UBE2E2: variants seen among roughly 807,000 people sequenced by gnomAD.
The protein encoded by UBE2E2 is ubiquitin conjugating enzyme E2 E2, also known as ubiquitin-conjugating enzyme E2 E2.
In UBE2E2, 6 loss-of-function variants were observed where a neutral mutation model predicts 24.7. That is an observed-to-expected ratio of 0.24 (90% CI 0.13 to 0.48). UBE2E2 has a LOEUF of 0.48. Among genes scored for constraint, UBE2E2 ranks in the 20% least tolerant of loss-of-function variants. The pLI is 0.99. For synonymous variants in UBE2E2, 104 were observed against 83.6 expected, an observed-to-expected ratio of 1.24 and a Z score of -1.33; for missense variants, 169 against 245.0, an observed-to-expected ratio of 0.69 and a Z score of 2.07.
At chr3:23,560,655 A>G (rs1404597260) in intron 5 of UBE2E2, among the ~76,000 whole-genome samples, 1 of 152,062 alleles carries the variant, frequency 6.6e-6, no homozygotes, top group South Asian at 2.1e-4. Flanking sequence ...GACTTCCACA[A>G]TGGTTGAACT....
intron 3 of UBE2E2, among the ~76,000 whole-genome samples, chr3:23,293,887 G>C (rs557387250): frequency 1.3e-5 from 2 of 152,172 alleles, no homozygotes; most frequent in Non-Finnish European, 2.9e-5. Flanking sequence ...AGGCTGAGTC[G>C]AGAGGATTCC....
intron 3 of UBE2E2, among the ~76,000 whole-genome samples, chr3:23,317,014 C>T (rs1331888339): frequency 6.6e-6 from 1 of 152,102 alleles, no homozygotes; most frequent in Non-Finnish European, 1.5e-5. Context: ...TGCCTTTCCT[C>T]TCCTCAAGAA....
chr3:23,246,369 C>T lies in UBE2E2; in HGVS notation c.227+29057C>T, dbSNP rs370057807. On this transcript the variant is annotated intron_variant, in intron 3 of 5. Transcript: ENST00000396703. Reference sequence around the variant, plus strand: ...CTGAGTAGCTGGGACTACAGGCGCCCGCCACCATGCCTGGCTAATTTTTTT... The same window carrying T: ...CTGAGTAGCTGGGACTACAGGCGCCTGCCACCATGCCTGGCTAATTTTTTT... Among the ~76,000 whole-genome samples, 22 of 144,734 alleles carry T rather than the reference C, an allele frequency of 1.5e-4. 2 individuals are homozygous for T. The highest frequency in any genetic ancestry group is 6.0e-4 in the East Asian group (3 of 4,968). 95.0% of individuals were successfully genotyped at this position (144,734 alleles called of 152,430 possible). A position where few individuals can be genotyped will look rare whatever the true frequency, so the allele number is the denominator to read the frequency against.
chr3:23,418,135 C>T (rs115009722), intron 3 of UBE2E2, among the ~76,000 whole-genome samples: 2 of 152,320 alleles, frequency 1.3e-5, no homozygotes, highest in African/African-American at 4.8e-5. Flanking sequence ...AGCTTGGTGT[C>T]TGCACAAATG....
chr3:23,421,830 G>A (rs1697807093), intron 3 of UBE2E2, among the ~76,000 whole-genome samples: 1 of 152,264 alleles, frequency 6.6e-6, no homozygotes, highest in Non-Finnish European at 1.5e-5. Context: ...AGTCATTAGA[G>A]ACTCAGGTGC....
chr3:23,330,705 G>T (rs533987844), intron 3 of UBE2E2, among the ~76,000 whole-genome samples: 1 of 152,156 alleles, frequency 6.6e-6, no homozygotes, highest in African/African-American at 2.4e-5. Context: ...ATGAATTTAG[G>T]ATTCTAAAAT....
chr3:23,459,617 C>G (rs996286938), intron 3 of UBE2E2, among the ~76,000 whole-genome samples: 44 of 152,160 alleles, frequency 2.9e-4, no homozygotes, highest in Non-Finnish European at 5.7e-4. Context: ...ACCTCCAGGA[C>G]CTCTGTAATA....
At position 23,448,496 on chromosome 3, in the gene UBE2E2, C is replaced by A. The variant is rs150424692; in HGVS notation, c.228-51112C>A. Among the ~76,000 whole-genome samples the A allele has an allele frequency of 9.2e-5, 14 of 152,140 alleles. No homozygotes were observed. The East Asian group carries it at 2.7e-3, about 29-fold the overall frequency. ...AAGTTAGTATTTTTTAATACATGACCTAATATGAGGATTCTGATTGGAAGC... is the reference window on the plus strand; with the variant it reads ...AAGTTAGTATTTTTTAATACATGACATAATATGAGGATTCTGATTGGAAGC... On this transcript the variant is annotated intron_variant, in intron 3 of 5. Coordinates refer to ENST00000396703, the MANE Select transcript of UBE2E2 (RefSeq NM_152653.4).
At chr3:23,356,789 T>C (rs1413600511) in intron 3 of UBE2E2, among the ~76,000 whole-genome samples, 5 of 152,232 alleles carry the variant, frequency 3.3e-5, no homozygotes, top group Admixed American at 3.3e-4. Flanking sequence ...ACAAACAACA[T>C]CAAAATTTCA....
At chr3:23,373,933 T>C (rs1248441926) in intron 3 of UBE2E2, among the ~76,000 whole-genome samples, 1 of 152,146 alleles carries the variant, frequency 6.6e-6, no homozygotes, top group African/African-American at 2.4e-5. Context: ...TGTTTAAAAA[T>C]ATCGTAAATG....
chr3:23,318,741 T>G (rs1374820123), intron 3 of UBE2E2, among the ~76,000 whole-genome samples: 1 of 152,054 alleles, frequency 6.6e-6, no homozygotes, highest in Non-Finnish European at 1.5e-5. Context: ...TTCAATTACC[T>G]CCCACCAGGT....
chr3:23,398,765 C>T (rs1697142365), intron 3 of UBE2E2, among the ~76,000 whole-genome samples: 1 of 151,910 alleles, frequency 6.6e-6, no homozygotes, highest in Admixed American at 6.6e-5. Context: ...TATAGCAGTG[C>T]CTTCACATGG....
chr3:23,486,828 C>T (rs113300692), intron 3 of UBE2E2, among the ~76,000 whole-genome samples: 13 of 152,296 alleles, frequency 8.5e-5, no homozygotes, highest in African/African-American at 2.9e-4. Flanking sequence ...CTGGAAAAAG[C>T]ACCATTCGAC....
intron 3 of UBE2E2, among the ~76,000 whole-genome samples, chr3:23,263,320 T>G (rs886539741): frequency 6.6e-6 from 1 of 152,252 alleles, no homozygotes; most frequent in Admixed American, 6.5e-5. Flanking sequence ...GTGAAGATAC[T>G]GTATTTAACT....
chr3:23,521,923 T>C (rs1694877796), intron 4 of UBE2E2, among the ~76,000 whole-genome samples: 1 of 126,954 alleles, frequency 7.9e-6, no homozygotes, highest in African/African-American at 3.0e-5. Context: ...GAGCACCTAC[T>C]ATGTATGTGC....
intron 2 of UBE2E2, among the ~76,000 whole-genome samples, chr3:23,210,335 G>A (rs1377917436): frequency 6.6e-6 from 1 of 152,174 alleles, no homozygotes; most frequent in South Asian, 2.1e-4. Flanking sequence ...ATAGGGTTCT[G>A]CTGGGCCTGT....
At chr3:23,278,670 C>T (rs1698420918) in intron 3 of UBE2E2, among the ~76,000 whole-genome samples, 1 of 152,108 alleles carries the variant, frequency 6.6e-6, no homozygotes, top group African/African-American at 2.4e-5. Flanking sequence ...TGTATGCTTC[C>T]TAAATGTACC....
chr3:23,472,402 C>T (rs1283156583), intron 3 of UBE2E2, among the ~76,000 whole-genome samples: 1 of 152,084 alleles, frequency 6.6e-6, no homozygotes, highest in African/African-American at 2.4e-5. Flanking sequence ...AGATACAGGA[C>T]CATGTGACTG....
At chr3:23,442,191 A>G (rs1698322677) in intron 3 of UBE2E2, among the ~76,000 whole-genome samples, 1 of 152,182 alleles carries the variant, frequency 6.6e-6, no homozygotes. Flanking sequence ...ACAGACAGGA[A>G]ATCAGGGTGA....
Sources: gnomAD v4.1 joint callset for allele counts (sites outside exome capture counted in the v4.1 genomes callset) on GRCh38, gnomAD v4.1.1 for gene constraint, MANE v1.5 for transcripts, NCBI Gene and HGNC (gene_info 2026-07-23, HGNC 2026-07-21) for gene names.